The following SYNE1 variants were observed in gnomAD, a reference collection of about 807,000 sequenced individuals.
The protein encoded by SYNE1 is spectrin repeat containing nuclear envelope protein 1, also known as nesprin-1.
SYNE1 carries 616 observed loss-of-function variants against 1,111.0 expected under a neutral mutation model. The ratio of observed to expected loss-of-function variants is 0.55; its 90% CI spans 0.52 to 0.59. The LOEUF is 0.59. Ranked by LOEUF, SYNE1 falls within the 20% of genes least tolerant of loss-of-function variation. The pLI is 0.00. For synonymous variants in SYNE1, 3,855 were observed against 3,825.8 expected (o/e 1.01, Z -0.28); for missense variants, 10,006 against 10,417.0 (o/e 0.96, Z 1.72).
At chr6:152,434,166 A>C in intron 33 of SYNE1, 1 of 555,190 alleles carries the variant, frequency 1.8e-6, no homozygotes, top group East Asian at 3.1e-5. Flanking sequence ...CAGTATCTAC[A>C]CTTTGAGTGA....
chr6:152,630,750 A>G lies in SYNE1; in HGVS notation c.-223-2196T>C, dbSNP rs576110284. Among the ~76,000 whole-genome samples, 6 of 152,352 alleles carry G rather than the reference A, an allele frequency of 3.9e-5. No homozygotes were observed. In the South Asian group the frequency reaches 1.2e-3, roughly 32 times the overall value. ...CTGGGCTCAGCACTGGAGCTCACAG[A>G]TGATTAACACACAGTCCCCACCTTC... On this transcript the variant is annotated intron_variant, in intron 2 of 145. Coordinates refer to ENST00000367255, the MANE Select transcript of SYNE1 (RefSeq NM_182961.4).
At chr6:152,143,519 G>A (rs1033538561) in intron 138 of SYNE1, 104 bp downstream of exon 138, 13 of 1,514,032 alleles carry the variant, frequency 8.6e-6, no homozygotes, top group African/African-American at 1.4e-5. Context: ...AGGGCAGCAT[G>A]GTATTCAGAG....
At chr6:152,476,288 T>C (rs2098833942) in intron 14 of SYNE1, among the ~76,000 whole-genome samples, 1 of 152,240 alleles carries the variant, frequency 6.6e-6, no homozygotes, top group Non-Finnish European at 1.5e-5. Flanking sequence ...AGCCGCTTCA[T>C]TGTCTCCTAT....
intron 131 of SYNE1, among the ~76,000 whole-genome samples, chr6:152,161,256 T>C (rs926148102): frequency 8.1e-5 from 12 of 148,206 alleles, no homozygotes; most frequent in Admixed American, 3.4e-4. Context: ...ATAATAAACA[T>C]ATATTATTTA....
intron 5 of SYNE1, among the ~76,000 whole-genome samples, chr6:152,525,356 T>G (rs1384282330): frequency 1.3e-5 from 2 of 152,196 alleles, no homozygotes; most frequent in Non-Finnish European, 1.5e-5. Context: ...TAGTGTGTTA[T>G]CCAACATCTT....
At position 152,347,191 on chromosome 6, in the gene SYNE1, A is replaced by G. The variant is rs1188572340; in HGVS notation, c.11946T>C (p.Asn3982=). The G allele has an allele frequency of 1.9e-6, 3 of 1,614,192 alleles. No individual in the cohort carries two copies. In the East Asian group the frequency reaches 6.7e-5, roughly 36 times the overall value. ...TCAAAGTATCACCTTTCATTTGAAG[A>G]TTGTTCAAACGGTCTTCAAAACCAG... ...EIAGFEDRLN[N]LQMKGDTLIG... The change falls in exon 73 of 146, where the codon AAT becomes AAC. Residue 3982 remains asparagine (N), a synonymous_variant. Coordinates refer to ENST00000367255, the MANE Select transcript of SYNE1 (RefSeq NM_182961.4).
At chr6:152,504,302 G>C (rs1026854003) in intron 9 of SYNE1, among the ~76,000 whole-genome samples, 1 of 152,120 alleles carries the variant, frequency 6.6e-6, no homozygotes, top group African/African-American at 2.4e-5. Context: ...AATCTCCATG[G>C]GGCCCTTCAT....
intron 28 of SYNE1, among the ~76,000 whole-genome samples, chr6:152,448,996 T>A (rs1167538327): frequency 6.6e-6 from 1 of 151,866 alleles, no homozygotes; most frequent in Non-Finnish European, 1.5e-5. Context: ...TGTCTAAGAG[T>A]GAGAGAGTGC....
At chr6:152,560,183 T>C (rs889443429) in intron 3 of SYNE1, among the ~76,000 whole-genome samples, 2 of 152,018 alleles carry the variant, frequency 1.3e-5, no homozygotes, top group Admixed American at 6.6e-5. Flanking sequence ...TGAAACCCCA[T>C]CTCTATCAAA....
intron 3 of SYNE1, among the ~76,000 whole-genome samples, chr6:152,547,157 G>C (rs1009241528): frequency 6.6e-5 from 10 of 152,190 alleles, no homozygotes; most frequent in African/African-American, 2.4e-4. Flanking sequence ...ACAGAAACAT[G>C]AGAAATCCTA....
rs34610829 is a variant in SYNE1 at position 152,458,798 on chromosome 6, G to A, written c.2527C>T (p.Arg843Cys). 43,046 of 1,613,920 alleles carry A rather than the reference G, an allele frequency of 0.027. 681 individuals carry two copies. The highest frequency in any genetic ancestry group is 0.047 in the Middle Eastern group (285 of 6,058). Residue 843 changes from arginine (R) to cysteine (C), a missense_variant, in exon 22 of 146, where the codon CGT becomes TGT. Around this residue, in one of 7 missense-constraint regions of SYNE1, gnomAD observed 1,971 missense variants for 2,084.1 expected, o/e 0.95. Transcript: ENST00000367255. ...KINEIITVLEREAQSSALFKQ... is the reference protein window; with the variant it reads ...KINEIITVLECEAQSSALFKQ... ...AAAAGGGCACTCGATTGTGCCTCAC[G>A]CTCAAGAACTGTGATAATTTCATTG...
intron 70 of SYNE1, among the ~76,000 whole-genome samples, chr6:152,351,229 C>A (rs2096735477): frequency 6.6e-6 from 1 of 152,184 alleles, no homozygotes; most frequent in Admixed American, 6.5e-5. Context: ...CTATCAAGAA[C>A]TCAGTGGCCA....
intron 3 of SYNE1, among the ~76,000 whole-genome samples, chr6:152,622,429 C>T (rs975762220): frequency 2.0e-5 from 3 of 152,098 alleles, no homozygotes; most frequent in Admixed American, 2.0e-4. Context: ...CAGCCTCCAC[C>T]CTCCAATGGG....
rs547750464 is a variant in SYNE1 at position 152,319,410 on chromosome 6, T to C, written c.16237-395A>G. Among the ~76,000 whole-genome samples the C allele has an allele frequency of 3.3e-5, 5 of 152,334 alleles. No homozygotes were observed. In the South Asian group the frequency reaches 1.0e-3, roughly 32 times the overall value. On this transcript the variant is annotated intron_variant, in intron 84 of 145. Transcript: ENST00000367255. ...TAAGATGGAAAATCCTCCCAAACAG[T>C]TGGAAGCACACTGATTTGTTTCCAA...
chr6:152,455,986 C>G lies in SYNE1; in HGVS notation c.2627G>C (p.Ser876Thr), dbSNP rs1564157256. The change falls in exon 23 of 146, where the codon AGT becomes ACT. Residue 876 changes from serine (S) to threonine (T), a missense_variant. Ser to Thr is a moderately conservative substitution (Grantham distance 58). Coordinates refer to ENST00000367255, the MANE Select transcript of SYNE1 (RefSeq NM_182961.4). The stretch of plus-strand genomic sequence containing the variant: ...GGTCACAAACTTTTGAACACTTTGA[C>G]TGCCTTTCTCAATAAGTGTCAAGGT... ...KKTLTLIEKG[S>T]QSVQKFVTLS... 6.2e-7 allele frequency: 1 copy of G among 1,614,080 alleles called. No individual in the cohort carries two copies. The highest frequency in any genetic ancestry group is 1.3e-5 in the African/African-American group (1 of 75,058).
At chr6:152,520,781 C>T (rs752190239) in intron 5 of SYNE1, among the ~76,000 whole-genome samples, 3 of 152,112 alleles carry the variant, frequency 2.0e-5, no homozygotes, top group Non-Finnish European at 4.4e-5. Context: ...ATGCATTTGC[C>T]TTTTAGTCTT....
At chr6:152,549,652 G>A (rs1378787554) in intron 3 of SYNE1, among the ~76,000 whole-genome samples, 1 of 152,214 alleles carries the variant, frequency 6.6e-6, no homozygotes, top group Admixed American at 6.5e-5. Context: ...CGAAGGGACA[G>A]ACGAGAAGAG....
At position 152,182,075 on chromosome 6, in the gene SYNE1, C is replaced by T. The variant is rs146929694; in HGVS notation, c.23302-1781G>A. Among the ~76,000 whole-genome samples, 315 of 152,280 alleles carry T rather than the reference C, an allele frequency of 2.1e-3. 1 individual carries two copies. Among genetic ancestry groups the T allele is most frequent in the African/African-American group, 7.2e-3 (300 of 41,562 alleles). ...CTTTGGAGAATTATCTACTCAAATC[C>T]GTTGCCTGCTTTTTAATTAGATTGC... On this transcript the variant is annotated intron_variant, in intron 128 of 145. Transcript: ENST00000367255.
chr6:152,422,580 G>A (rs551662798), intron 39 of SYNE1, among the ~76,000 whole-genome samples: 2 of 151,888 alleles, frequency 1.3e-5, no homozygotes, highest in South Asian at 2.1e-4. Context: ...ACAGCTCCTT[G>A]TAACTTCAAA....
Sources: allele counts gnomAD v4.1 joint callset (sites outside exome capture counted in the v4.1 genomes callset), GRCh38; gene constraint gnomAD v4.1.1; regional missense constraint gnomAD v4.1.1; transcripts MANE v1.5; gene names NCBI Gene and HGNC (gene_info 2026-07-23, HGNC 2026-07-21).